Variants in SORCS3 observed in about 807,000 individuals in gnomAD.
The protein encoded by SORCS3 is sortilin related VPS10 domain containing receptor 3.
Under a neutral mutation model 146.3 loss-of-function variants are expected in SORCS3, and 57 were observed. That is an observed-to-expected ratio of 0.39 (90% confidence interval 0.31 to 0.49). SORCS3 has a LOEUF of 0.49. Among genes scored for constraint, SORCS3 ranks in the 20% least tolerant of loss-of-function variants. SORCS3 has a pLI of 0.92. For synonymous variants in SORCS3, 653 were observed against 618.5 expected (o/e 1.06, Z -0.83); for missense variants, 1,341 against 1,575.5 (o/e 0.85, Z 2.52).
chr10:105,017,733 C>G (rs1044636943), intron 4 of SORCS3, among the ~76,000 whole-genome samples: 2 of 152,120 alleles, frequency 1.3e-5, no homozygotes, highest in Non-Finnish European at 2.9e-5. Context: ...ACTCCTTATC[C>G]CTTAAACTTT....
rs189963098 is a variant in SORCS3, at chr10:104,796,414, A to G, written c.628-46378A>G. On this transcript the variant is annotated intron_variant, in intron 1 of 26. Transcript: ENST00000369701. ...GAGTTTAGGGTAGAGTGTCTTTAAC[A>G]CATTCCTAAGTTGATAATCTCCATT... 4.5e-3 allele frequency among the ~76,000 whole-genome samples: 686 copies of G among 151,524 alleles called. 1 individual carries two copies. The highest frequency in any genetic ancestry group is 0.011 in the South Asian group (54 of 4,794).
chr10:104,991,397 A>G (rs1269551805), intron 4 of SORCS3, among the ~76,000 whole-genome samples: 4 of 151,856 alleles, frequency 2.6e-5, no homozygotes, highest in Non-Finnish European at 4.4e-5. Context: ...TGGCTTGAGC[A>G]TGGCCAGCTT....
chr10:104,748,743 C>T (rs1232164308), intron 1 of SORCS3, among the ~76,000 whole-genome samples: 1 of 152,140 alleles, frequency 6.6e-6, no homozygotes, highest in Non-Finnish European at 1.5e-5. Context: ...ATCCCAGCTA[C>T]TTGGGAGGCT....
At chr10:104,947,602 G>A (rs1389725556) in intron 3 of SORCS3, among the ~76,000 whole-genome samples, 1 of 152,056 alleles carries the variant, frequency 6.6e-6, no homozygotes, top group Non-Finnish European at 1.5e-5. Context: ...AGCACTGGAT[G>A]TTGTATTTTT....
At chr10:104,979,134 A>G (rs374432857) in intron 4 of SORCS3, among the ~76,000 whole-genome samples, 4 of 152,284 alleles carry the variant, frequency 2.6e-5, no homozygotes, top group South Asian at 4.1e-4. Context: ...TCCCTCATTC[A>G]GAACACTTGT....
chr10:104,649,769 T>C (rs193065162), intron 1 of SORCS3, among the ~76,000 whole-genome samples: 1 of 152,344 alleles, frequency 6.6e-6, no homozygotes, highest in East Asian at 1.9e-4. Flanking sequence ...ATTCATTAGA[T>C]GATTACACTA....
intron 1 of SORCS3, among the ~76,000 whole-genome samples, chr10:104,831,577 A>G (rs755892443): frequency 1.3e-5 from 2 of 152,178 alleles, no homozygotes; most frequent in African/African-American, 4.8e-5. Flanking sequence ...CTCATGACAG[A>G]CAGCAAGAGA....
chr10:104,935,861 G>A (rs937804399), intron 3 of SORCS3, among the ~76,000 whole-genome samples: 1 of 152,180 alleles, frequency 6.6e-6, no homozygotes, highest in Non-Finnish European at 1.5e-5. Flanking sequence ...TGGAGTGAAA[G>A]CACCTGTGAT....
At chr10:105,016,149 A>AT (rs2055165191) in intron 4 of SORCS3, among the ~76,000 whole-genome samples, 1 of 106,332 alleles carries the variant, frequency 9.4e-6, no homozygotes, top group Admixed American at 8.6e-5. Context: ...ATATATATAT[A>AT]TATATATTTT....
At chr10:104,710,280 A>C (rs1425406224) in intron 1 of SORCS3, among the ~76,000 whole-genome samples, 2 of 152,182 alleles carry the variant, frequency 1.3e-5, no homozygotes, top group African/African-American at 4.8e-5. Flanking sequence ...CATTTGACTG[A>C]GGCTGTCAAA....
chr10:104,667,732 T>G (rs375519757), intron 1 of SORCS3, among the ~76,000 whole-genome samples: 28 of 152,360 alleles, frequency 1.8e-4, no homozygotes, highest in African/African-American at 6.5e-4. Flanking sequence ...TGTCGTTGTT[T>G]GCATAGGTTC....
chr10:105,246,606 T>C (rs1159247776), intron 21 of SORCS3, among the ~76,000 whole-genome samples: 1 of 152,176 alleles, frequency 6.6e-6, no homozygotes, highest in African/African-American at 2.4e-5. Flanking sequence ...CAAACTTGCT[T>C]CTCAGGCTCT....
intron 2 of SORCS3, among the ~76,000 whole-genome samples, chr10:104,882,088 C>A (rs757244238): frequency 3.3e-5 from 5 of 152,100 alleles, no homozygotes; most frequent in Non-Finnish European, 7.4e-5. Context: ...AGGGTTTTGA[C>A]CCTTTGACTG....
intron 14 of SORCS3, among the ~76,000 whole-genome samples, chr10:105,180,591 A>G (rs2056437104): frequency 6.6e-6 from 1 of 152,192 alleles, no homozygotes; most frequent in Admixed American, 6.5e-5. Flanking sequence ...AAATCTGATC[A>G]AATCACCAGT....
At chr10:104,940,480 A>G (rs986048736) in intron 3 of SORCS3, among the ~76,000 whole-genome samples, 2 of 138,658 alleles carry the variant, frequency 1.4e-5, no homozygotes, top group Non-Finnish European at 3.0e-5. Context: ...CCTATGAGTG[A>G]CAACATGCGG....
chr10:105,064,843 C>G (rs146848139), intron 5 of SORCS3, among the ~76,000 whole-genome samples: 1 of 152,294 alleles, frequency 6.6e-6, no homozygotes, highest in East Asian at 1.9e-4. Flanking sequence ...CCCACCCAGT[C>G]CACTGGCTCA....
intron 9 of SORCS3, among the ~76,000 whole-genome samples, chr10:105,153,248 A>G (rs1342763945): frequency 2.0e-5 from 3 of 151,974 alleles, no homozygotes; most frequent in Non-Finnish European, 4.4e-5. Context: ...TTTTTTGCTT[A>G]GAATAATGCA....
At position 104,858,602 on chromosome 10, in the gene SORCS3, C is replaced by A. The variant is rs1387881453; in HGVS notation, c.695+15743C>A. Among the ~76,000 whole-genome samples, 7 of 151,212 alleles carry A rather than the reference C, an allele frequency of 4.6e-5. No individual in the cohort carries two copies. The South Asian group carries it at 1.5e-3, about 31-fold the overall frequency. ...TTTTAAGACTCTTAGCATACATTGT[C>A]AGATTTGTTAAGAGAAGTGTACTTT... On this transcript the variant is annotated intron_variant, in intron 2 of 26. Transcript: ENST00000369701.
rs569163916 is a variant in SORCS3 at position 104,725,664 on chromosome 10, C to T, written c.627+83710C>T. Among the ~76,000 whole-genome samples, 13 of 152,356 alleles carry T rather than the reference C, an allele frequency of 8.5e-5. No homozygotes were observed. The East Asian group carries it at 2.5e-3, about 29-fold the overall frequency. On this transcript the variant is annotated intron_variant, in intron 1 of 26. Transcript: ENST00000369701. Reference sequence around the variant, plus strand: ...TGGCTGCTTTGTTTACCTACTCAAGCCTCGGCAATGGCGGGTGACCCTCCC... The same window carrying T: ...TGGCTGCTTTGTTTACCTACTCAAGTCTCGGCAATGGCGGGTGACCCTCCC...
Sources: allele counts gnomAD v4.1 joint callset (sites outside exome capture counted in the v4.1 genomes callset), GRCh38; gene constraint gnomAD v4.1.1; transcripts MANE v1.5; gene names NCBI Gene and HGNC (gene_info 2026-07-23, HGNC 2026-07-21).